The following TRAP1 variants were observed in gnomAD, a reference collection of about 807,000 sequenced individuals.
TRAP1 encodes the protein heat shock protein 75 kDa, mitochondrial.
Under a neutral mutation model 89.1 loss-of-function variants are expected in TRAP1, and 102 were observed. That is an observed-to-expected ratio of 1.15 (90% confidence interval 0.98 to 1.35). The LOEUF is 1.35. Among genes scored for constraint, TRAP1 ranks in the 40% most tolerant of loss-of-function variants. TRAP1 has a pLI of 0.00. For synonymous variants in TRAP1, 508 were observed against 388.0 expected, an observed-to-expected ratio of 1.31 and a Z score of -3.64; for missense variants, 1,256 against 945.3, an observed-to-expected ratio of 1.33 and a Z score of -4.31.
chr16:3,717,379 G>T, intron 1 of TRAP1, 42 bp downstream of exon 1: 1 of 852,330 alleles, frequency 1.2e-6, no homozygotes, highest in Non-Finnish European at 1.6e-6. Flanking sequence ...CCGTCTCCGT[G>T]GCCCGGCCCG....
chr16:3,664,550 GC>G, intron 12 of TRAP1, 91 bp from the exon 13 acceptor site: 9 of 1,372,048 alleles, frequency 6.6e-6, no homozygotes, highest in Non-Finnish European at 8.8e-6. Context: ...GATGCCCATG[GC>G]CTCCTGGCAC....
At chr16:3,678,618 A>G (rs887036646) in intron 5 of TRAP1, 1 of 152,112 alleles carries the variant, frequency 6.6e-6, no homozygotes, top group African/African-American at 2.4e-5. Context: ...TACCACCACC[A>G]CGCCCAGCTA....
rs2042817168 is a variant in TRAP1 at position 3,658,074 on chromosome 16, G to C, written c.*55C>G. The stretch of plus-strand genomic sequence containing the variant: ...ATACCTTTAAATTTAGGTAAATAAA[G>C]CTCAAGGAGGTGGGGCTGTCATCTG... On this transcript the variant is annotated 3_prime_UTR_variant, in exon 18 of 18. Coordinates refer to ENST00000246957, the MANE Select transcript of TRAP1 (RefSeq NM_016292.3). The C allele has an allele frequency of 6.2e-7, 1 of 1,609,608 alleles. No homozygotes were observed. Among genetic ancestry groups the C allele is most frequent in the Non-Finnish European group, 8.5e-7 (1 of 1,176,852 alleles).
Position 3,674,387 on chromosome 16 carries a change from C to CTTA in TRAP1, c.993_995dup (p.Tyr331_Lys332insAsn), listed in dbSNP as rs1364548688. The stretch of plus-strand genomic sequence containing the variant: ...TGCGGATGTTGAGCGGTGCGTCCGT[C>CTTA]TTATAGTGCAGGGTGTAGCGGGGCT... On this transcript the variant is annotated inframe_insertion, in exon 9 of 18. Coordinates refer to ENST00000246957, the MANE Select transcript of TRAP1 (RefSeq NM_016292.3). 1 of 1,614,118 alleles carries CTTA rather than the reference C, an allele frequency of 6.2e-7. No individual in the cohort carries two copies. The highest frequency in any genetic ancestry group is 1.1e-5 in the South Asian group (1 of 91,082).
intron 1 of TRAP1, among the ~76,000 whole-genome samples, chr16:3,695,995 G>C (rs1029028256): frequency 6.6e-6 from 1 of 152,148 alleles, no homozygotes; most frequent in East Asian, 1.9e-4. Flanking sequence ...ATCAATACCG[G>C]AACATTTACA....
At chr16:3,659,007 T>TTATAGATAATATCATTATATACCCAG (rs1274517254) in intron 16 of TRAP1, 142 bp from the exon 17 acceptor site, 17 of 772,110 alleles carry the variant, frequency 2.2e-5, no homozygotes, top group Non-Finnish European at 2.1e-5. Flanking sequence ...TAATGATCAT[T>TTATAGATAATATCATTATATACCCAG]TATAGATAAT....
intron 4 of TRAP1, among the ~76,000 whole-genome samples, chr16:3,685,247 G>A (rs1274290384): frequency 6.6e-6 from 1 of 152,196 alleles, no homozygotes; most frequent in Non-Finnish European, 1.5e-5. Flanking sequence ...ACAAACAGCT[G>A]GCACGTACCA....
chr16:3,663,685 G>A (rs2050747666), intron 13 of TRAP1, 123 bp from the exon 14 acceptor site: 2 of 1,280,034 alleles, frequency 1.6e-6, no homozygotes, highest in Non-Finnish European at 2.1e-6. Flanking sequence ...CACCGGGGCA[G>A]TTGGGGTTCC....
chr16:3,671,517 G>A (rs1269067692), intron 11 of TRAP1, among the ~76,000 whole-genome samples: 1 of 152,010 alleles, frequency 6.6e-6, no homozygotes, highest in Non-Finnish European at 1.5e-5. Flanking sequence ...GCCATGACCA[G>A]CCACCCCCAC....
At chr16:3,715,947 C>G (rs1186743783) in intron 1 of TRAP1, among the ~76,000 whole-genome samples, 2 of 152,220 alleles carry the variant, frequency 1.3e-5, no homozygotes, top group East Asian at 3.8e-4. Flanking sequence ...ACTGCAATCT[C>G]TGCCTCCTGG....
At chr16:3,703,864 A>C (rs1445006237) in intron 1 of TRAP1, among the ~76,000 whole-genome samples, 1 of 151,452 alleles carries the variant, frequency 6.6e-6, no homozygotes, top group East Asian at 1.9e-4. Context: ...AAATACAAAA[A>C]ATTAGCCGGG....
At chr16:3,693,474 C>A (rs1263188238) in intron 1 of TRAP1, among the ~76,000 whole-genome samples, 1 of 152,072 alleles carries the variant, frequency 6.6e-6, no homozygotes, top group African/African-American at 2.4e-5. Context: ...CTACATCAAA[C>A]CAGGGTGCTG....
chr16:3,686,057 G>A lies in TRAP1; in HGVS notation c.410C>T (p.Ala137Val). ...LRHKLVSDGQ[A>V]LPEMEIHLQT... ...CAAGTGAATCTCCATTTCTGGCAGT[G>A]CTTGGCCGTCAGACACCAGTTTGTG... Residue 137 changes from alanine (A) to valine (V), a missense_variant, in exon 4 of 18, where the codon GCA becomes GTA. Physicochemically the swap from Ala to Val is moderately conservative, Grantham distance 64 (BLOSUM62 0). Transcript: ENST00000246957. 1 of 1,614,150 alleles carries A rather than the reference G, an allele frequency of 6.2e-7. No individual in the cohort carries two copies. Among genetic ancestry groups the A allele is most frequent in the Non-Finnish European group, 8.5e-7 (1 of 1,180,018 alleles).
intron 15 of TRAP1, chr16:3,662,346 C>T: frequency 1.6e-6 from 1 of 637,258 alleles, no homozygotes; most frequent in Non-Finnish European, 2.7e-6. Context: ...AGGGGCTCCA[C>T]CACCCTGGTG....
rs573181193 is a variant in TRAP1, at chr16:3,706,298, G to T, written c.88+11123C>A. Among the ~76,000 whole-genome samples, 1,204 of 151,848 alleles carry T rather than the reference G, an allele frequency of 7.9e-3. 18 individuals are homozygous for T. Among genetic ancestry groups the T allele is most frequent in the Non-Finnish European group, 7.6e-3 (516 of 67,972 alleles). Reference sequence around the variant, plus strand: ...GTAACTTTTGTTTTGGGGTGGGGTGGGGGTCTCACTATGTTGCCTGGAGTG... The same window carrying T: ...GTAACTTTTGTTTTGGGGTGGGGTGTGGGTCTCACTATGTTGCCTGGAGTG... On this transcript the variant is annotated intron_variant, in intron 1 of 17. Coordinates refer to ENST00000246957, the MANE Select transcript of TRAP1 (RefSeq NM_016292.3).
intron 1 of TRAP1, among the ~76,000 whole-genome samples, chr16:3,713,692 C>T (rs577237161): frequency 2.0e-5 from 3 of 152,366 alleles, no homozygotes; most frequent in South Asian, 2.1e-4. Context: ...AACCCGTCAC[C>T]GTACCTGCCT....
At chr16:3,677,743 C>T (rs761699754) in intron 5 of TRAP1, 85 bp from the exon 6 acceptor site, 4 of 1,468,608 alleles carry the variant, frequency 2.7e-6, no homozygotes, top group Non-Finnish European at 3.7e-6. Context: ...GCGAGCACCG[C>T]TAAGACCCCT....
chr16:3,705,752 TCA>T (rs1471835604), intron 1 of TRAP1, among the ~76,000 whole-genome samples: 1 of 152,102 alleles, frequency 6.6e-6, no homozygotes, highest in Non-Finnish European at 1.5e-5. Context: ...TGATCTTGGC[TCA>T]CTGCAACCTC....
At chr16:3,685,893 G>A (rs902820081) in intron 4 of TRAP1, 103 bp downstream of exon 4, 42 of 1,362,218 alleles carry the variant, frequency 3.1e-5, no homozygotes, top group Non-Finnish European at 3.8e-5. Flanking sequence ...CTGGTGGTAC[G>A]GACGGCCAGT....
Sources: gnomAD v4.1 joint callset for allele counts (sites outside exome capture counted in the v4.1 genomes callset) on GRCh38, gnomAD v4.1.1 for gene constraint, MANE v1.5 for transcripts, NCBI Gene and HGNC (gene_info 2026-07-23, HGNC 2026-07-21) for gene names.